Variants in PPM1K observed in about 807,000 individuals in gnomAD.
PPM1K encodes protein phosphatase, Mg2+/Mn2+ dependent 1K.
Under a neutral mutation model 32.6 loss-of-function variants are expected in PPM1K, and 19 were observed. The ratio of observed to expected loss-of-function variants is 0.58; its 90% CI spans 0.41 to 0.86. PPM1K has a LOEUF of 0.86. PPM1K is among the 40% of genes least tolerant of loss of function. The pLI is 0.00. For missense variants in PPM1K, 362 were observed against 461.2 expected (o/e 0.78, Z 1.97); for synonymous variants, 159 against 165.3 (o/e 0.96, Z 0.29).
intron 5 of PPM1K, among the ~76,000 whole-genome samples, chr4:88,266,270 G>A (rs1731299575): frequency 6.6e-6 from 1 of 152,214 alleles, no homozygotes; most frequent in Admixed American, 6.5e-5. Context: ...GGCAGTTCAG[G>A]ACAATGAAGA....
Position 88,278,621 on chromosome 4 carries a change from C to T in PPM1K, c.-38G>A. ...AAGGACTCAGTGATGAGGGAAAGGT[C>T]AATGGAACAATAATGGAATGTCTTC... On this transcript the variant is annotated 5_prime_UTR_variant, in exon 2 of 7. Transcript: ENST00000608933. The surrounding 1 kb of genome is among the most constrained non-coding windows in gnomAD (Gnocchi z 4.2). 6.7e-7 allele frequency: 1 copy of T among 1,500,142 alleles called. No individual in the cohort carries two copies. Among genetic ancestry groups the T allele is most frequent in the Non-Finnish European group, 9.1e-7 (1 of 1,104,382 alleles). 92.9% of individuals were successfully genotyped at this position (1,500,142 alleles called of 1,614,324 possible). A position where few individuals can be genotyped will look rare whatever the true frequency, so the allele number is the denominator to read the frequency against.
rs1196507062 is a variant in PPM1K at position 88,261,174 on chromosome 4, A to T, written c.*1421T>A. The T allele has an allele frequency of 6.6e-6, 1 of 152,222 alleles. No individual in the cohort carries two copies. Among genetic ancestry groups the T allele is most frequent in the Non-Finnish European group, 1.5e-5 (1 of 68,034 alleles). The allele number at this position is 152,222 out of a possible 1,614,324, so 9.4% of individuals were successfully genotyped here. Reference sequence around the variant, plus strand: ...CACATTTAGAAATTCACATTTTAACAGCAAACTTACATGCAGATAAAGAGA... The same window carrying T: ...CACATTTAGAAATTCACATTTTAACTGCAAACTTACATGCAGATAAAGAGA... On this transcript the variant is annotated 3_prime_UTR_variant, in exon 7 of 7. Coordinates refer to ENST00000608933, the MANE Select transcript of PPM1K (RefSeq NM_152542.5).
intron 3 of PPM1K, among the ~76,000 whole-genome samples, chr4:88,273,329 CATAA>C (rs1246906833): frequency 6.6e-6 from 1 of 152,202 alleles, no homozygotes; most frequent in East Asian, 1.9e-4. Flanking sequence ...GAGCTGCAAA[CATAA>C]ATAAGCAAGC....
At position 88,265,078 on chromosome 4, in the gene PPM1K, C is replaced by T; in HGVS notation, c.910G>A (p.Val304Met). 6.2e-7 allele frequency: 1 copy of T among 1,614,166 alleles called. No homozygotes were observed. Among genetic ancestry groups the T allele is most frequent in the Non-Finnish European group, 8.5e-7 (1 of 1,180,022 alleles). Residue 304 changes from valine (V) to methionine (M), a missense_variant, in exon 6 of 7, where the codon GTG becomes ATG. By Grantham distance (21) the Val-to-Met change is conservative (BLOSUM62 1). Transcript: ENST00000608933. ...AAGTCACAAATCTCTTGACTATTCA[C>T]CATGAAGTTAATTCCATCTGTGGTG... ...VLTTDGINFM[V>M]NSQEICDFVN...
At chr4:88,279,230 G>C (rs1284049176) in intron 1 of PPM1K, 2 of 152,190 alleles carry the variant, frequency 1.3e-5, no homozygotes, top group Non-Finnish European at 2.9e-5. Flanking sequence ...ACTTAAAATA[G>C]TTCTGTTTCC....
At position 88,278,096 on chromosome 4, in the gene PPM1K, A is replaced by G. The variant is rs780399480; in HGVS notation, c.440+48T>C. The G allele has an allele frequency of 2.0e-6, 3 of 1,498,610 alleles. No individual in the cohort carries two copies. The highest frequency in any genetic ancestry group is 1.8e-5 in the Admixed American group (1 of 55,440). The allele number at this position is 1,498,610 out of a possible 1,614,324, so 92.8% of individuals were successfully genotyped here. A position where few individuals can be genotyped will look rare whatever the true frequency, so the allele number is the denominator to read the frequency against. On this transcript the variant is annotated intron_variant, in intron 2 of 6. Transcript: ENST00000608933. The surrounding 1 kb of genome is among the most constrained non-coding windows in gnomAD (Gnocchi z 4.2). ...TCAGCCAAAGGGTGAAAGTTTAAGT[A>G]GGAAGTATAGGAACTGCAAAGTCAG... is the stretch of plus-strand genomic sequence containing the variant.
chr4:88,277,171 A>T lies in PPM1K; in HGVS notation c.513T>A (p.Phe171Leu). 1 of 1,614,028 alleles carries T rather than the reference A, an allele frequency of 6.2e-7. No individual in the cohort carries two copies. Among genetic ancestry groups the T allele is most frequent in the Non-Finnish European group, 8.5e-7 (1 of 1,179,880 alleles). ...CAGCAGACAGGCGGGCATGACTCGA[A>T]AAGGCTTTATCTATTTCTAGAAAAG... is the stretch of plus-strand genomic sequence containing the variant. ...TLAFLEIDKAFSSHARLSADA... is the reference protein window; with the variant it reads ...TLAFLEIDKALSSHARLSADA... The change falls in exon 3 of 7, where the codon TTT becomes TTA. Residue 171 changes from phenylalanine to leucine, a missense_variant. Physicochemically the swap from Phe to Leu is conservative, Grantham distance 22. Coordinates refer to ENST00000608933, the MANE Select transcript of PPM1K (RefSeq NM_152542.5).
chr4:88,274,076 C>T (rs375417194), intron 3 of PPM1K, among the ~76,000 whole-genome samples: 109 of 152,318 alleles, frequency 7.2e-4, no homozygotes, highest in African/African-American at 2.4e-3. Flanking sequence ...AGTCTCCACT[C>T]CTAACCTCAC....
At chr4:88,281,372 A>T (rs746933700) in intron 1 of PPM1K, among the ~76,000 whole-genome samples, 38 of 151,606 alleles carry the variant, frequency 2.5e-4, no homozygotes, top group Non-Finnish European at 5.2e-4. Context: ...CCTCCCCCCA[A>T]TTTTTTTTTA....
rs535792765 is a variant in PPM1K at position 88,257,902 on chromosome 4, G to A, written c.*4693C>T. On this transcript the variant is annotated 3_prime_UTR_variant, in exon 7 of 7. Coordinates refer to ENST00000608933, the MANE Select transcript of PPM1K (RefSeq NM_152542.5). ...CAGCAAATGAGTCATTCTTGGAAGT[G>A]GAAGAACTCCATGATTTCACAGCCT... 6.6e-6 allele frequency: 1 copy of A among 152,294 alleles called. No individual in the cohort carries two copies. Among genetic ancestry groups the A allele is most frequent in the Admixed American group, 6.5e-5 (1 of 15,304 alleles). 9.4% of individuals were successfully genotyped at this position (152,294 alleles called of 1,614,324 possible).
rs1731850853 is a variant in PPM1K, at chr4:88,278,023, A to G, written c.440+121T>C. 1.3e-6 allele frequency: 1 copy of G among 740,778 alleles called. No homozygotes were observed. The highest frequency in any genetic ancestry group is 2.2e-6 in the Non-Finnish European group (1 of 453,114). 45.9% of individuals were successfully genotyped at this position (740,778 alleles called of 1,614,324 possible). A position where few individuals can be genotyped will look rare whatever the true frequency, so the allele number is the denominator to read the frequency against. ...ACACTTAAACTACTGCTCATTCGTGAAGCAGCAGCATGCAACCACTCAAGT... is the reference window on the plus strand; with the variant it reads ...ACACTTAAACTACTGCTCATTCGTGGAGCAGCAGCATGCAACCACTCAAGT... On this transcript the variant is annotated intron_variant, in intron 2 of 6. Transcript: ENST00000608933. This position sits in a 1 kb window ranked among gnomAD's most constrained non-coding sequence, Gnocchi z 4.2.
Position 88,260,468 on chromosome 4 carries a change from A to T in PPM1K, c.*2127T>A, listed in dbSNP as rs1731075681. 6.6e-6 allele frequency: 1 copy of T among 152,232 alleles called. No homozygotes were observed. The highest frequency in any genetic ancestry group is 2.4e-5 in the African/African-American group (1 of 41,456). The allele number at this position is 152,232 out of a possible 1,614,324, so 9.4% of individuals were successfully genotyped here. A position where few individuals can be genotyped will look rare whatever the true frequency, so the allele number is the denominator to read the frequency against. ...CACATTTCTGTTCCAAGAACTGATTAGAAAAAGCAAGATGGTTTCCCGCTT... is the reference window on the plus strand; with the variant it reads ...CACATTTCTGTTCCAAGAACTGATTTGAAAAAGCAAGATGGTTTCCCGCTT... On this transcript the variant is annotated 3_prime_UTR_variant, in exon 7 of 7. Coordinates refer to ENST00000608933, the MANE Select transcript of PPM1K (RefSeq NM_152542.5).
chr4:88,283,378 C>T (rs1289054649), intron 1 of PPM1K, among the ~76,000 whole-genome samples: 1 of 152,258 alleles, frequency 6.6e-6, no homozygotes, highest in East Asian at 1.9e-4. Context: ...GTGCTGTGAT[C>T]ACAGGCGTGA....
At chr4:88,269,796 C>A (rs899228960) in intron 3 of PPM1K, among the ~76,000 whole-genome samples, 1 of 152,222 alleles carries the variant, frequency 6.6e-6, no homozygotes, top group Non-Finnish European at 1.5e-5. Flanking sequence ...AAATAAAATT[C>A]ATTGTTACTG....
intron 3 of PPM1K, chr4:88,275,328 TTAA>T: frequency 2.1e-6 from 2 of 963,260 alleles, no homozygotes; most frequent in Non-Finnish European, 2.5e-6. Context: ...ATTTTTGTGA[TTAA>T]TTTCTTTATA....
intron 3 of PPM1K, among the ~76,000 whole-genome samples, chr4:88,274,627 C>T (rs1285265264): frequency 6.6e-6 from 1 of 151,910 alleles, no homozygotes. Context: ...ATACATAGGC[C>T]GAAAAGAATA....
chr4:88,269,657 C>T (rs1731478236), intron 3 of PPM1K, among the ~76,000 whole-genome samples: 1 of 152,154 alleles, frequency 6.6e-6, no homozygotes, highest in African/African-American at 2.4e-5. Context: ...GTGTAGTTAA[C>T]ACTCCTAACT....
chr4:88,264,451 C>T (rs1467674332), intron 6 of PPM1K, among the ~76,000 whole-genome samples: 1 of 152,182 alleles, frequency 6.6e-6, no homozygotes, highest in Admixed American at 6.5e-5. Flanking sequence ...GGTGACTATG[C>T]TATATCTTCA....
chr4:88,271,559 C>T (rs1436135918), intron 3 of PPM1K, among the ~76,000 whole-genome samples: 11 of 152,180 alleles, frequency 7.2e-5, no homozygotes, highest in African/African-American at 1.7e-4. Flanking sequence ...AAAACACTCA[C>T]GCATATACAC....
Sources: gnomAD v4.1 joint callset for allele counts (sites outside exome capture counted in the v4.1 genomes callset) on GRCh38, gnomAD v4.1.1 for gene constraint, Gnocchi (gnomAD v3.1) non-coding constraint, MANE v1.5 for transcripts, NCBI Gene and HGNC (gene_info 2026-07-23, HGNC 2026-07-21) for gene names.